Variants in ENPP2 observed in about 807,000 individuals in gnomAD.
The protein encoded by ENPP2 is autotaxin.
A neutral mutation model predicts 120.2 loss-of-function variants in ENPP2; 51 were observed. The ratio of observed to expected loss-of-function variants is 0.42; its 90% CI spans 0.34 to 0.54. The LOEUF (loss-of-function observed/expected upper bound fraction) is 0.54. Among genes scored for constraint, ENPP2 ranks in the 20% least tolerant of loss-of-function variants. The pLI, the probability that ENPP2 is intolerant of heterozygous loss-of-function variation, is 0.04. For missense variants in ENPP2, 920 were observed against 1,066.5 expected, an observed-to-expected ratio of 0.86 and a Z score of 1.91; for synonymous variants, 365 against 366.4, an observed-to-expected ratio of 1.00 and a Z score of 0.04.
intron 2 of ENPP2, among the ~76,000 whole-genome samples, chr8:119,631,723 G>A (rs1816698938): frequency 6.6e-6 from 1 of 152,054 alleles, no homozygotes. Context: ...CTTCTTTCAC[G>A]ACAAGCTCTA....
intron 1 of ENPP2, among the ~76,000 whole-genome samples, chr8:119,644,600 A>G (rs944830169): frequency 0.012 from 1,070 of 90,722 alleles, 38 homozygotes; most frequent in Middle Eastern, 0.017. Flanking sequence ...ATATATATAT[A>G]TATATATATA....
intron 1 of ENPP2, among the ~76,000 whole-genome samples, chr8:119,646,504 A>G (rs549461933): frequency 2.5e-4 from 38 of 152,212 alleles, no homozygotes; most frequent in African/African-American, 8.9e-4. Flanking sequence ...TAGAGGGTAA[A>G]TTCAAGCTGC....
chr8:119,604,711 C>T (rs1337225656), intron 9 of ENPP2, among the ~76,000 whole-genome samples: 1 of 152,096 alleles, frequency 6.6e-6, no homozygotes, highest in Non-Finnish European at 1.5e-5. Flanking sequence ...AAACAAATAC[C>T]ATTTATTAGT....
chr8:119,653,242 ATTTG>A (rs377737234), intron 1 of ENPP2, among the ~76,000 whole-genome samples: 1 of 152,164 alleles, frequency 6.6e-6, no homozygotes, highest in Non-Finnish European at 1.5e-5. Context: ...TCACTCATTC[ATTTG>A]TTTATTTACT....
chr8:119,651,624 T>C (rs943107421), intron 1 of ENPP2, among the ~76,000 whole-genome samples: 7 of 152,160 alleles, frequency 4.6e-5, no homozygotes, highest in African/African-American at 1.7e-4. Context: ...TAGTAAATGT[T>C]TGATGAGTCT....
At chr8:119,633,442 GTT>G in intron 2 of ENPP2, among the ~76,000 whole-genome samples, 1 of 152,056 alleles carries the variant, frequency 6.6e-6, no homozygotes, top group African/African-American at 2.4e-5. Flanking sequence ...ACCAGCTGTG[GTT>G]ATACCAGCTC....
At chr8:119,647,463 CT>C (rs1215068337) in intron 1 of ENPP2, among the ~76,000 whole-genome samples, 1 of 152,200 alleles carries the variant, frequency 6.6e-6, no homozygotes, top group Non-Finnish European at 1.5e-5. Flanking sequence ...ACTTGTAGTA[CT>C]TCCTCTGTTA....
intron 1 of ENPP2, among the ~76,000 whole-genome samples, chr8:119,645,860 G>T (rs1587566312): frequency 6.7e-6 from 1 of 149,774 alleles, no homozygotes; most frequent in African/African-American, 2.4e-5. Flanking sequence ...CTTCCTGTTT[G>T]TACTCTCTGT....
intron 10 of ENPP2, 74 bp downstream of exon 10, chr8:119,601,323 C>A: frequency 9.9e-7 from 1 of 1,014,588 alleles, no homozygotes; most frequent in Non-Finnish European, 1.5e-6. Flanking sequence ...TTCTATTCCA[C>A]AGTCTAGTGT....
rs1815514390 is a variant in ENPP2, at chr8:119,617,161, T to C, written c.657+3A>G. ...AATGTGTATCATTCGAAAAAATACT[T>C]ACAGTGGCCAAAGTGTATAAGTTAG... is the stretch of plus-strand genomic sequence containing the variant. On this transcript the variant is annotated splice_donor_region_variant and intron_variant, in intron 7 of 24. Transcript: ENST00000075322. 1 of 1,597,666 alleles carries C rather than the reference T, an allele frequency of 6.3e-7. No individual in the cohort carries two copies. The highest frequency in any genetic ancestry group is 2.2e-5 in the East Asian group (1 of 44,758).
chr8:119,602,306 A>C (rs373654642), intron 9 of ENPP2, among the ~76,000 whole-genome samples: 2 of 152,162 alleles, frequency 1.3e-5, no homozygotes, highest in African/African-American at 4.8e-5. Context: ...AAAAATACAA[A>C]ATTAGCCAGG....
chr8:119,619,351 G>A, intron 4 of ENPP2, 47 bp from the exon 5 acceptor site: 1 of 1,278,472 alleles, frequency 7.8e-7, no homozygotes, highest in Non-Finnish European at 1.1e-6. Flanking sequence ...AATTACAAAT[G>A]CCATGCCTTG....
chr8:119,583,040 A>G (rs1042197969), intron 17 of ENPP2, among the ~76,000 whole-genome samples: 1 of 152,182 alleles, frequency 6.6e-6, no homozygotes, highest in African/African-American at 2.4e-5. Flanking sequence ...ATGACTCCAC[A>G]GAAGTGTGGG....
intron 3 of ENPP2, among the ~76,000 whole-genome samples, chr8:119,625,584 A>C (rs1041105720): frequency 6.6e-6 from 1 of 152,200 alleles, no homozygotes; most frequent in Non-Finnish European, 1.5e-5. Context: ...TCTAAGCATA[A>C]AAGTCCAAAA....
chr8:119,639,632 A>G (rs1228809944), upstream of ENPP2, among the ~76,000 whole-genome samples: 2 of 147,504 alleles, frequency 1.4e-5, no homozygotes, highest in African/African-American at 2.5e-5. Flanking sequence ...GGTTTTTGAG[A>G]GGCAGATGGG....
chr8:119,627,865 A>AATATATATAT (rs59289320), intron 2 of ENPP2, among the ~76,000 whole-genome samples: 19 of 143,546 alleles, frequency 1.3e-4, no homozygotes, highest in African/African-American at 3.6e-4. Flanking sequence ...CCGTCTTAAA[A>AATATATATAT]ATATATATAT....
intron 5 of ENPP2, among the ~76,000 whole-genome samples, chr8:119,617,888 G>A (rs1815583773): frequency 2.0e-5 from 3 of 152,130 alleles, no homozygotes; most frequent in Non-Finnish European, 2.9e-5. Context: ...GACAGATGTT[G>A]CAGTGAGCTG....
chr8:119,617,138 T>C, intron 7 of ENPP2, 26 bp downstream of exon 7: 1 of 1,408,742 alleles, frequency 7.1e-7, no homozygotes, highest in Non-Finnish European at 1.0e-6. Context: ...GCCCTTTGAA[T>C]GTGTATCATT....
intron 9 of ENPP2, among the ~76,000 whole-genome samples, chr8:119,603,327 C>T (rs577717444): frequency 1.7e-4 from 26 of 152,080 alleles, no homozygotes; most frequent in African/African-American, 3.6e-4. Context: ...GCCACAGAAA[C>T]GGGCCCTAAT....
Sources: gnomAD v4.1 joint callset for allele counts (sites outside exome capture counted in the v4.1 genomes callset) on GRCh38, gnomAD v4.1.1 for gene constraint, MANE v1.5 for transcripts, NCBI Gene and HGNC (gene_info 2026-07-23, HGNC 2026-07-21) for gene names.